The following FLI1 variants were observed in gnomAD, a reference collection of about 807,000 sequenced individuals.
FLI1 encodes Friend leukemia integration 1 transcription factor.
FLI1 carries 13 observed loss-of-function variants against 53.1 expected under a neutral mutation model. That is an observed-to-expected ratio of 0.24 (90% confidence interval 0.16 to 0.39). The LOEUF (loss-of-function observed/expected upper bound fraction) is 0.39. Among genes scored for constraint, FLI1 ranks in the 10% least tolerant of loss-of-function variants. The pLI is 1.00. For missense variants in FLI1, 424 were observed against 600.5 expected, an observed-to-expected ratio of 0.71 and a Z score of 3.07; for synonymous variants, 244 against 236.7, an observed-to-expected ratio of 1.03 and a Z score of -0.28.
intron 1 of FLI1, among the ~76,000 whole-genome samples, chr11:128,755,568 C>A (rs1260589853): frequency 6.6e-6 from 1 of 152,162 alleles, no homozygotes; most frequent in Non-Finnish European, 1.5e-5. Context: ...AACCATAATT[C>A]CTTGAGCCCA....
chr11:128,685,385 T>G (rs1865782772), upstream of FLI1, among the ~76,000 whole-genome samples: 1 of 152,192 alleles, frequency 6.6e-6, no homozygotes, highest in Non-Finnish European at 1.5e-5. Context: ...GAGTGCCCAC[T>G]TGCGTCCGAT....
intron 1 of FLI1, among the ~76,000 whole-genome samples, chr11:128,735,903 GA>G (rs1405499595): frequency 2.6e-5 from 4 of 152,298 alleles, no homozygotes; most frequent in African/African-American, 9.6e-5. Context: ...ACTTTGAAGG[GA>G]ATTTTGAACA....
chr11:128,727,822 C>G lies in FLI1; in HGVS notation c.19-30293C>G, dbSNP rs116482726. ...ACACCACTGCATCCAGCCACCCTGT[C>G]CCACAACCACAGCCCATCTCAGAGC... On this transcript the variant is annotated intron_variant, in intron 1 of 8. Coordinates refer to ENST00000527786, the MANE Select transcript of FLI1 (RefSeq NM_002017.5). Among the ~76,000 whole-genome samples, 1,303 of 152,286 alleles carry G rather than the reference C, an allele frequency of 8.6e-3. 20 individuals are homozygous for G. The highest frequency in any genetic ancestry group is 0.029 in the African/African-American group (1,215 of 41,556).
At chr11:128,689,731 G>C (rs1303965540), upstream of FLI1, among the ~76,000 whole-genome samples, 2 of 152,236 alleles carry the variant, frequency 1.3e-5, no homozygotes, top group African/African-American at 4.8e-5. Flanking sequence ...CGAGGGTCTG[G>C]ACACCTGGCT....
chr11:128,751,479 A>G (rs1940642235), intron 1 of FLI1, among the ~76,000 whole-genome samples: 1 of 151,492 alleles, frequency 6.6e-6, no homozygotes, highest in African/African-American at 2.4e-5. Flanking sequence ...TTTTCCAAGT[A>G]GCTAGGACCA....
chr11:128,778,365 C>T (rs1252368956), intron 4 of FLI1, among the ~76,000 whole-genome samples: 1 of 152,236 alleles, frequency 6.6e-6, no homozygotes, highest in South Asian at 2.1e-4. Flanking sequence ...CTCCACCCCA[C>T]AACCGCTTCC....
Position 128,774,972 on chromosome 11 carries a change from A to C in FLI1, c.589+1987A>C, listed in dbSNP as rs191970764. ...AGGATGGCATTTTGGGGGGTATAGC[A>C]TGGCAAGAAAAAGCAAATTGCTTCT... On this transcript the variant is annotated intron_variant, in intron 4 of 8. Coordinates refer to ENST00000527786, the MANE Select transcript of FLI1 (RefSeq NM_002017.5). Among the ~76,000 whole-genome samples the C allele has an allele frequency of 1.1e-4, 16 of 152,332 alleles. No homozygotes were observed. In the East Asian group the frequency reaches 2.3e-3, roughly 22 times the overall value.
Position 128,694,174 on chromosome 11 carries a change from G to A in FLI1, c.-85G>A, listed in dbSNP as rs1937909428. The A allele has an allele frequency of 2.1e-6, 3 of 1,456,038 alleles. No homozygotes were observed. Among genetic ancestry groups the A allele is most frequent in the Non-Finnish European group, 2.7e-6 (3 of 1,095,160 alleles). The allele number at this position is 1,456,038 out of a possible 1,614,324, so 90.2% of individuals were successfully genotyped here. A position where few individuals can be genotyped will look rare whatever the true frequency, so the allele number is the denominator to read the frequency against. ...CCCAGGGCGCCAGGGAGGCCGCGCC[G>A]GGCTAATCCGAAGGGGCTGCGAGGT... is the stretch of plus-strand genomic sequence containing the variant. On this transcript the variant is annotated 5_prime_UTR_variant, in exon 1 of 9. Coordinates refer to ENST00000527786, the MANE Select transcript of FLI1 (RefSeq NM_002017.5).
chr11:128,796,444 C>A (rs1384671602), intron 5 of FLI1, among the ~76,000 whole-genome samples: 3 of 152,152 alleles, frequency 2.0e-5, no homozygotes, highest in African/African-American at 7.2e-5. Context: ...ACATATGCTA[C>A]CTCTCAGGCT....
At chr11:128,735,979 A>G (rs990326559) in intron 1 of FLI1, among the ~76,000 whole-genome samples, 2 of 152,228 alleles carry the variant, frequency 1.3e-5, no homozygotes, top group Non-Finnish European at 2.9e-5. Context: ...AAGTTCTTAA[A>G]TACTGAAACC....
chr11:128,705,145 A>G (rs910401767), intron 1 of FLI1, among the ~76,000 whole-genome samples: 2 of 152,206 alleles, frequency 1.3e-5, no homozygotes, highest in Non-Finnish European at 2.9e-5. Flanking sequence ...GAGCCCATCT[A>G]TGGGGACCAT....
At position 128,811,467 on chromosome 11, in the gene FLI1, G is replaced by T. The variant is rs1016129571; in HGVS notation, c.*479G>T. The T allele has an allele frequency of 8.5e-6, 2 of 234,850 alleles. No individual in the cohort carries two copies. The allele number at this position is 234,850 out of a possible 1,614,324, so 14.5% of individuals were successfully genotyped here. On this transcript the variant is annotated 3_prime_UTR_variant, in exon 9 of 9. Transcript: ENST00000527786. ...AATTTTAGGAGGACCAAATTCAGTG[G>T]ATGGCAACTGGAACATTGATTGTAA...
At chr11:128,790,058 G>A (rs1425316058) in intron 5 of FLI1, among the ~76,000 whole-genome samples, 2 of 131,422 alleles carry the variant, frequency 1.5e-5, no homozygotes, top group African/African-American at 6.8e-5. Flanking sequence ...GTGTGTGTGT[G>A]TGCATGCATG....
At chr11:128,740,258 GGA>G (rs1940076010) in intron 1 of FLI1, among the ~76,000 whole-genome samples, 1 of 152,134 alleles carries the variant, frequency 6.6e-6, no homozygotes, top group Non-Finnish European at 1.5e-5. Flanking sequence ...GGCTCTCCAG[GGA>G]CCCACACGGG....
intron 1 of FLI1, among the ~76,000 whole-genome samples, chr11:128,745,402 A>C (rs1022788739): frequency 2.6e-5 from 4 of 152,110 alleles, no homozygotes; most frequent in African/African-American, 9.7e-5. Flanking sequence ...CCCATCCACA[A>C]GGTTTCTGCC....
intron 1 of FLI1, among the ~76,000 whole-genome samples, chr11:128,728,197 G>A (rs918347722): frequency 6.6e-6 from 1 of 152,256 alleles, no homozygotes; most frequent in African/African-American, 2.4e-5. Flanking sequence ...AGCTCACCAC[G>A]CAGGTGGAGC....
At chr11:128,788,982 C>T (rs146941762) in intron 5 of FLI1, among the ~76,000 whole-genome samples, 11 of 152,138 alleles carry the variant, frequency 7.2e-5, no homozygotes, top group Non-Finnish European at 1.2e-4. Context: ...GGGCAATGCA[C>T]GTATATTACC....
At chr11:128,784,005 G>A (rs1434759849) in intron 5 of FLI1, among the ~76,000 whole-genome samples, 2 of 151,764 alleles carry the variant, frequency 1.3e-5, no homozygotes, top group Non-Finnish European at 2.9e-5. Flanking sequence ...GAGGGAAGGA[G>A]GAAGGGAGGG....
chr11:128,787,807 A>ATTTT (rs35352545), intron 5 of FLI1, among the ~76,000 whole-genome samples: 2 of 137,382 alleles, frequency 1.5e-5, no homozygotes, highest in Admixed American at 7.4e-5. Context: ...GCTAATTACA[A>ATTTT]TTTTTTTTTT....
Sources: allele counts gnomAD v4.1 joint callset (sites outside exome capture counted in the v4.1 genomes callset), GRCh38; gene constraint gnomAD v4.1.1; transcripts MANE v1.5; gene names NCBI Gene and HGNC (gene_info 2026-07-23, HGNC 2026-07-21).